Variants in KCNQ5 observed in about 807,000 individuals in gnomAD.
KCNQ5 encodes potassium voltage-gated channel subfamily KQT member 5.
A neutral mutation model predicts 98.2 loss-of-function variants in KCNQ5; 30 were observed. The ratio of observed to expected loss-of-function variants is 0.31; its 90% CI spans 0.23 to 0.41. KCNQ5 has a LOEUF of 0.41. Ranked by LOEUF, KCNQ5 falls within the 10% of genes least tolerant of loss-of-function variation. The pLI is 1.00. For synonymous variants in KCNQ5, 458 were observed against 449.4 expected, an observed-to-expected ratio of 1.02 and a Z score of -0.24; for missense variants, 835 against 1,182.5, an observed-to-expected ratio of 0.71 and a Z score of 4.31.
At chr6:72,814,259 C>T (rs2150107685) in intron 1 of KCNQ5, among the ~76,000 whole-genome samples, 1 of 152,286 alleles carries the variant, frequency 6.6e-6, no homozygotes, top group Admixed American at 6.5e-5. Flanking sequence ...CGGTGGTGCT[C>T]CTCCACCGCA....
intron 9 of KCNQ5, among the ~76,000 whole-genome samples, chr6:73,129,050 G>A (rs568227226): frequency 6.6e-6 from 1 of 152,294 alleles, no homozygotes; most frequent in African/African-American, 2.4e-5. Flanking sequence ...TGTGTGCAAT[G>A]AATGATCTGC....
At chr6:73,056,231 T>C (rs1772483390) in intron 3 of KCNQ5, among the ~76,000 whole-genome samples, 1 of 152,170 alleles carries the variant, frequency 6.6e-6, no homozygotes. Flanking sequence ...GCTAGTCCTG[T>C]GCTTGTCTGT....
In KCNQ5 at chr6:72,978,773, A is replaced by T. The variant is rs562703458; in HGVS notation, c.399-25135A>T. 2.6e-4 allele frequency among the ~76,000 whole-genome samples: 39 copies of T among 152,298 alleles called. No individual in the cohort carries two copies. The South Asian group carries it at 8.1e-3, about 32-fold the overall frequency. ...TACATGTGCCGTGTTGGTTTGCTGC[A>T]CCCATTAACTCGTCATTTACATTAC... On this transcript the variant is annotated intron_variant, in intron 1 of 13. Transcript: ENST00000370398.
intron 1 of KCNQ5, among the ~76,000 whole-genome samples, chr6:72,875,941 A>T (rs999669384): frequency 2.0e-5 from 3 of 151,964 alleles, no homozygotes; most frequent in African/African-American, 7.2e-5. Flanking sequence ...TTACATGGTA[A>T]CCCATATATA....
chr6:73,012,971 G>T (rs1049396989), intron 2 of KCNQ5, among the ~76,000 whole-genome samples: 1 of 152,046 alleles, frequency 6.6e-6, no homozygotes, highest in Non-Finnish European at 1.5e-5. Flanking sequence ...CTCTTGGAAA[G>T]ATAGCAAATA....
intron 1 of KCNQ5, among the ~76,000 whole-genome samples, chr6:72,831,913 C>T (rs2150124773): frequency 6.6e-6 from 1 of 151,410 alleles, no homozygotes; most frequent in East Asian, 2.0e-4. Flanking sequence ...AATTGTAAGG[C>T]AGAGATGTTG....
chr6:73,029,250 A>T (rs1771027678), intron 2 of KCNQ5, among the ~76,000 whole-genome samples: 2 of 152,190 alleles, frequency 1.3e-5, no homozygotes. Context: ...CAGCAGGGAA[A>T]CTTTAGAAAA....
At chr6:72,649,798 A>G (rs1379006346) in intron 1 of KCNQ5, among the ~76,000 whole-genome samples, 1 of 152,154 alleles carries the variant, frequency 6.6e-6, no homozygotes, top group African/African-American at 2.4e-5. Flanking sequence ...ACCAATGCAG[A>G]ATATGACTAA....
chr6:72,930,893 C>A (rs1201503004), intron 1 of KCNQ5, among the ~76,000 whole-genome samples: 2 of 152,128 alleles, frequency 1.3e-5, no homozygotes, highest in Non-Finnish European at 2.9e-5. Flanking sequence ...TTAGAAAAGA[C>A]ACTTGGGAAT....
At chr6:72,789,090 A>G (rs1408978032) in intron 1 of KCNQ5, among the ~76,000 whole-genome samples, 1 of 152,156 alleles carries the variant, frequency 6.6e-6, no homozygotes, top group African/African-American at 2.4e-5. Flanking sequence ...GATGATACCA[A>G]TGTGTAGCCA....
chr6:72,774,608 AAC>A (rs150113759), intron 1 of KCNQ5, among the ~76,000 whole-genome samples: 98 of 149,166 alleles, frequency 6.6e-4, no homozygotes, highest in Middle Eastern at 3.4e-3. Context: ...CCAGTATATA[AAC>A]ACACACACAC....
intron 1 of KCNQ5, among the ~76,000 whole-genome samples, chr6:72,960,256 G>A (rs1562094455): frequency 6.6e-6 from 1 of 152,056 alleles, no homozygotes; most frequent in Non-Finnish European, 1.5e-5. Flanking sequence ...AACTAATTAA[G>A]ACAAACTTTA....
chr6:73,092,735 C>T (rs1774305743), intron 5 of KCNQ5, among the ~76,000 whole-genome samples: 1 of 152,136 alleles, frequency 6.6e-6, no homozygotes, highest in Non-Finnish European at 1.5e-5. Context: ...ATATGTTAAA[C>T]TATCCCTGCA....
intron 1 of KCNQ5, among the ~76,000 whole-genome samples, chr6:72,740,687 A>C (rs1169153993): frequency 2.6e-5 from 4 of 152,074 alleles, no homozygotes; most frequent in Non-Finnish European, 4.4e-5. Context: ...GACTTCTCCA[A>C]GCAGAGTTAT....
At chr6:72,982,734 T>C (rs1053233821) in intron 1 of KCNQ5, among the ~76,000 whole-genome samples, 8 of 152,180 alleles carry the variant, frequency 5.3e-5, no homozygotes, top group Admixed American at 5.2e-4. Flanking sequence ...GCTGGTTATT[T>C]TGCCCATTAG....
intron 1 of KCNQ5, among the ~76,000 whole-genome samples, chr6:72,982,173 G>A (rs1189396787): frequency 6.6e-6 from 1 of 152,184 alleles, no homozygotes; most frequent in Non-Finnish European, 1.5e-5. Context: ...TATTAGGTCT[G>A]CTTGGTGCAG....
chr6:73,161,899 T>A (rs1777627244), intron 10 of KCNQ5, among the ~76,000 whole-genome samples: 1 of 151,994 alleles, frequency 6.6e-6, no homozygotes, highest in Admixed American at 6.6e-5. Flanking sequence ...TTGGCTTAGA[T>A]CTTTTTATTT....
At chr6:72,890,181 G>A (rs956434060) in intron 1 of KCNQ5, among the ~76,000 whole-genome samples, 2 of 152,150 alleles carry the variant, frequency 1.3e-5, no homozygotes, top group African/African-American at 4.8e-5. Context: ...TGATGGGTTT[G>A]GACATATGTA....
At chr6:73,005,301 A>G (rs745540344) in intron 2 of KCNQ5, among the ~76,000 whole-genome samples, 46 of 152,322 alleles carry the variant, frequency 3.0e-4, no homozygotes, top group Non-Finnish European at 5.4e-4. Flanking sequence ...AACACAAATG[A>G]TCTGAGCCCA....
Sources: allele counts gnomAD v4.1 joint callset (sites outside exome capture counted in the v4.1 genomes callset), GRCh38; gene constraint gnomAD v4.1.1; transcripts MANE v1.5; gene names NCBI Gene and HGNC (gene_info 2026-07-23, HGNC 2026-07-21).